The following RAPGEF6 variants were observed in gnomAD, a reference collection of about 807,000 sequenced individuals.
RAPGEF6 encodes Rap guanine nucleotide exchange factor 6.
A neutral mutation model predicts 171.4 loss-of-function variants in RAPGEF6; 56 were observed. The observed-to-expected ratio is 0.33, with a 90% CI of 0.26 to 0.41. RAPGEF6 has a LOEUF of 0.41. RAPGEF6 is among the 10% of genes least tolerant of loss of function. The pLI is 1.00. For synonymous variants in RAPGEF6, 692 were observed against 650.1 expected, an observed-to-expected ratio of 1.06 and a Z score of -0.98; for missense variants, 1,674 against 1,921.4, an observed-to-expected ratio of 0.87 and a Z score of 2.41.
chr5:131,438,369 T>C (rs181569721), intron 24 of RAPGEF6, among the ~76,000 whole-genome samples: 335 of 152,314 alleles, frequency 2.2e-3, no homozygotes, highest in Middle Eastern at 0.02. Flanking sequence ...TCACTGTACA[T>C]AATTGCCACA....
At chr5:131,538,732 C>T (rs1278439274) in intron 6 of RAPGEF6, among the ~76,000 whole-genome samples, 1 of 152,128 alleles carries the variant, frequency 6.6e-6, no homozygotes, top group African/African-American at 2.4e-5. Flanking sequence ...AAATTCATTT[C>T]CTTCTTCATA....
At chr5:131,617,500 T>A (rs1405216625) in intron 1 of RAPGEF6, among the ~76,000 whole-genome samples, 1 of 152,244 alleles carries the variant, frequency 6.6e-6, no homozygotes, top group Non-Finnish European at 1.5e-5. Flanking sequence ...TTGCCCAGGC[T>A]GGAGTGTAGT....
intron 4 of RAPGEF6, among the ~76,000 whole-genome samples, chr5:131,585,973 C>T (rs2215190): frequency 0.77 from 116,537 of 152,078 alleles, 44,925 homozygotes; most frequent in Middle Eastern, 0.82. Context: ...CTCCCTAAAA[C>T]GTATAAAACA....
chr5:131,504,608 A>T lies in RAPGEF6; in HGVS notation c.1254+18T>A. Reference sequence around the variant, plus strand: ...TAGAATAAAATCAGTGACTAGAAAAATAAGTAAAAACACCCACCTTGATCA... The same window carrying T: ...TAGAATAAAATCAGTGACTAGAAAATTAAGTAAAAACACCCACCTTGATCA... On this transcript the variant is annotated intron_variant, in intron 11 of 27. Transcript: ENST00000509018. 6.4e-7 allele frequency: 1 copy of T among 1,550,952 alleles called. No homozygotes were observed. Among genetic ancestry groups the T allele is most frequent in the Non-Finnish European group, 8.7e-7 (1 of 1,154,102 alleles).
Position 131,514,715 on chromosome 5 carries a change from T to C in RAPGEF6, c.628-4224A>G, listed in dbSNP as rs1197561439. On this transcript the variant is annotated intron_variant, in intron 7 of 27. Transcript: ENST00000509018. The stretch of plus-strand genomic sequence containing the variant: ...AAAGCTACCCAATCTGAAGTAGAGA[T>C]GAGAAAAAAGCCAAAAAAAAATTAA... Among the ~76,000 whole-genome samples the C allele has an allele frequency of 2.6e-5, 4 of 151,730 alleles. No individual in the cohort carries two copies. The East Asian group carries it at 5.8e-4, about 22-fold the overall frequency.
chr5:131,495,803 G>A (rs898864170), intron 12 of RAPGEF6, 143 bp from the exon 13 acceptor site: 2 of 1,266,946 alleles, frequency 1.6e-6, no homozygotes, highest in African/African-American at 3.0e-5. Flanking sequence ...CATTCTAACA[G>A]AAAGGCATGG....
chr5:131,442,415 GCAC>G lies in RAPGEF6; in HGVS notation c.3541_3543del (p.Val1181del). 1 of 1,614,154 alleles carries G rather than the reference GCAC, an allele frequency of 6.2e-7. No individual in the cohort carries two copies. Among genetic ancestry groups the G allele is most frequent in the Non-Finnish European group, 8.5e-7 (1 of 1,180,018 alleles). Reference sequence around the variant, plus strand: ...TGCAAATTAACAGCTGGCACCTGAAGCACCTGGCTTACTCTGTGGGGTTGATGC... The same window carrying G: ...TGCAAATTAACAGCTGGCACCTGAAGCTGGCTTACTCTGTGGGGTTGATGC... On this transcript the variant is annotated inframe_deletion, in exon 23 of 28. Coordinates refer to ENST00000509018, the MANE Select transcript of RAPGEF6 (RefSeq NM_016340.6).
intron 14 of RAPGEF6, among the ~76,000 whole-genome samples, chr5:131,490,540 A>C (rs1756211428): frequency 6.6e-6 from 1 of 152,204 alleles, no homozygotes; most frequent in Non-Finnish European, 1.5e-5. Flanking sequence ...ATCTATAAAC[A>C]TCATTGTGGG....
intron 17 of RAPGEF6, among the ~76,000 whole-genome samples, chr5:131,470,833 A>G (rs530266540): frequency 2.8e-4 from 42 of 152,194 alleles, no homozygotes; most frequent in Non-Finnish European, 3.7e-4. Context: ...GGAGAGGGCC[A>G]TGGGTGGCAA....
At position 131,433,518 on chromosome 5, in the gene RAPGEF6, G is replaced by A; in HGVS notation, c.3886C>T (p.Gln1296Ter). ...GTGGATTCAGGGACTGCCAGGGCCTGAGAGGAACACCGTTCATCCTGTAGA... is the reference window on the plus strand; with the variant it reads ...GTGGATTCAGGGACTGCCAGGGCCTAAGAGGAACACCGTTCATCCTGTAGA... Reference protein sequence around the residue: ...AALQDERCSSQALAVPESTGA... With the variant: ...AALQDERCSS The change falls in exon 25 of 28, where the codon CAG (glutamine) becomes TAG (stop). Residue 1296 changes from glutamine (Q) to a stop codon, truncating the protein, a stop_gained. Coordinates refer to ENST00000509018, the MANE Select transcript of RAPGEF6 (RefSeq NM_016340.6). LOFTEE classifies it high-confidence loss of function. 1 of 1,613,892 alleles carries A rather than the reference G, an allele frequency of 6.2e-7. No homozygotes were observed. The highest frequency in any genetic ancestry group is 8.5e-7 in the Non-Finnish European group (1 of 1,179,806).
intron 26 of RAPGEF6, chr5:131,430,571 A>C: frequency 2.0e-6 from 1 of 507,554 alleles, no homozygotes; most frequent in Non-Finnish European, 3.7e-6. Flanking sequence ...TAATGCGATG[A>C]TATTCCTCAA....
intron 6 of RAPGEF6, among the ~76,000 whole-genome samples, chr5:131,528,202 AT>A (rs1339325326): frequency 1.6e-5 from 2 of 126,438 alleles, no homozygotes; most frequent in African/African-American, 6.3e-5. Flanking sequence ...AATTATATAT[AT>A]TATATATAAA....
chr5:131,458,906 G>A (rs2149831661), intron 19 of RAPGEF6, among the ~76,000 whole-genome samples: 1 of 152,236 alleles, frequency 6.6e-6, no homozygotes, highest in South Asian at 2.1e-4. Context: ...CACCTGCATT[G>A]GCCTCCAAAG....
intron 5 of RAPGEF6, among the ~76,000 whole-genome samples, chr5:131,557,263 C>A (rs1437180823): frequency 6.6e-6 from 1 of 151,980 alleles, no homozygotes; most frequent in African/African-American, 2.4e-5. Context: ...GATCTAAAAA[C>A]AACTTTTTAA....
rs1580806398 is a variant in RAPGEF6, at chr5:131,424,950, C to T, written c.*2316G>A. ...TTGGAGTAAATGCAGCTTAAGACTT[C>T]TCTTGTTCTAGTCATATGACAAACT... is the stretch of plus-strand genomic sequence containing the variant. On this transcript the variant is annotated 3_prime_UTR_variant, in exon 28 of 28. Transcript: ENST00000509018. 1 of 152,336 alleles carries T rather than the reference C, an allele frequency of 6.6e-6. No individual in the cohort carries two copies. Among genetic ancestry groups the T allele is most frequent in the Admixed American group, 6.5e-5 (1 of 15,282 alleles). 9.4% of individuals were successfully genotyped at this position (152,336 alleles called of 1,614,324 possible).
chr5:131,555,758 AAATT>A (rs143518470), intron 5 of RAPGEF6, among the ~76,000 whole-genome samples: 117,980 of 151,280 alleles, frequency 0.78, 46,340 homozygotes, highest in African/African-American at 0.83. Context: ...GTGTTATGTT[AAATT>A]AATTATAATT....
chr5:131,599,922 A>G (rs1418955945), intron 3 of RAPGEF6, among the ~76,000 whole-genome samples: 1 of 152,232 alleles, frequency 6.6e-6, no homozygotes, highest in African/African-American at 2.4e-5. Flanking sequence ...TTTCTAATGC[A>G]ACACAGTAAA....
At chr5:131,428,071 C>T (rs1751479365) in intron 27 of RAPGEF6, among the ~76,000 whole-genome samples, 1 of 152,054 alleles carries the variant, frequency 6.6e-6, no homozygotes, top group Non-Finnish European at 1.5e-5. Flanking sequence ...CCACTGCACT[C>T]CAGCCTGAGT....
intron 4 of RAPGEF6, among the ~76,000 whole-genome samples, chr5:131,584,954 T>C (rs1313575527): frequency 6.6e-6 from 1 of 152,178 alleles, no homozygotes; most frequent in Non-Finnish European, 1.5e-5. Context: ...ACAGTTACAG[T>C]AATAACAGGA....
Sources: allele counts gnomAD v4.1 joint callset (sites outside exome capture counted in the v4.1 genomes callset), GRCh38; gene constraint gnomAD v4.1.1; transcripts MANE v1.5; gene names NCBI Gene and HGNC (gene_info 2026-07-23, HGNC 2026-07-21).